Variants in DOK6 observed in about 807,000 individuals in gnomAD.
DOK6 encodes docking protein 6.
A neutral mutation model predicts 44.0 loss-of-function variants in DOK6; 22 were observed. The ratio of observed to expected loss-of-function variants is 0.50; its 90% CI spans 0.36 to 0.71. The LOEUF (loss-of-function observed/expected upper bound fraction) is 0.71. DOK6 is among the 30% of genes least tolerant of loss of function. The pLI, the probability that DOK6 is intolerant of heterozygous loss-of-function variation, is 0.00. For missense variants in DOK6, 340 were observed against 416.4 expected (o/e 0.82, Z 1.60); for synonymous variants, 166 against 145.5 (o/e 1.14, Z -1.01).
At chr18:69,825,935 A>C (rs1305041449) in intron 7 of DOK6, among the ~76,000 whole-genome samples, 1 of 151,748 alleles carries the variant, frequency 6.6e-6, no homozygotes, top group African/African-American at 2.4e-5. Context: ...TGCCTGTAAA[A>C]TATGCTTTTA....
intron 7 of DOK6, among the ~76,000 whole-genome samples, chr18:69,775,749 C>T (rs1164308991): frequency 1.3e-5 from 2 of 151,484 alleles, no homozygotes; most frequent in Non-Finnish European, 3.0e-5. Context: ...AGGAAGAAAA[C>T]CTTAGATTGA....
chr18:69,452,650 C>A, intron 1 of DOK6, among the ~76,000 whole-genome samples: 1 of 146,370 alleles, frequency 6.8e-6, no homozygotes, highest in East Asian at 2.0e-4. Context: ...AACATTGATG[C>A]AAAAATCCTC....
chr18:69,521,690 A>T (rs1270044138), intron 1 of DOK6, among the ~76,000 whole-genome samples: 1 of 151,994 alleles, frequency 6.6e-6, no homozygotes, highest in Non-Finnish European at 1.5e-5. Flanking sequence ...ATTTGCACAT[A>T]GAATCATTTC....
At chr18:69,711,689 T>G (rs1986760639) in intron 5 of DOK6, among the ~76,000 whole-genome samples, 1 of 152,232 alleles carries the variant, frequency 6.6e-6, no homozygotes, top group African/African-American at 2.4e-5. Flanking sequence ...TATTGCCTGA[T>G]GTGTTTCAAT....
chr18:69,643,295 TTGTG>T (rs1008002376), intron 3 of DOK6, among the ~76,000 whole-genome samples: 1 of 152,120 alleles, frequency 6.6e-6, no homozygotes, highest in African/African-American at 2.4e-5. Flanking sequence ...TTTTATTCAT[TTGTG>T]TGTGTGTATG....
At chr18:69,449,200 C>A (rs1376264329) in intron 1 of DOK6, among the ~76,000 whole-genome samples, 1 of 152,126 alleles carries the variant, frequency 6.6e-6, no homozygotes, top group East Asian at 1.9e-4. Context: ...AAGTTGGGTG[C>A]AAGATAAGTC....
At chr18:69,816,504 G>A (rs1981402774) in intron 7 of DOK6, among the ~76,000 whole-genome samples, 1 of 152,172 alleles carries the variant, frequency 6.6e-6, no homozygotes, top group Non-Finnish European at 1.5e-5. Flanking sequence ...TCAGACCAAA[G>A]TTTGGAGACT....
intron 5 of DOK6, among the ~76,000 whole-genome samples, chr18:69,720,693 T>C (rs1986986946): frequency 6.6e-6 from 1 of 152,180 alleles, no homozygotes; most frequent in Admixed American, 6.6e-5. Flanking sequence ...ATGCTTAGCA[T>C]AGTGATTGTA....
chr18:69,569,138 C>A (rs1335568261), intron 2 of DOK6, among the ~76,000 whole-genome samples: 1 of 151,968 alleles, frequency 6.6e-6, no homozygotes. Flanking sequence ...CTAAAACAAC[C>A]ACAGAAAGAT....
Position 69,796,869 on chromosome 18 carries a change from G to A in DOK6, c.856+38996G>A, listed in dbSNP as rs540317668. Among the ~76,000 whole-genome samples, 3 of 152,242 alleles carry A rather than the reference G, an allele frequency of 2.0e-5. No homozygotes were observed. The East Asian group carries it at 5.8e-4, about 29-fold the overall frequency. ...TTTGATGTTACATAACTCCTCCTAA[G>A]GCTGATGTCTTGAAAAGAGGGTAAA... On this transcript the variant is annotated intron_variant, in intron 7 of 7. Transcript: ENST00000382713.
At chr18:69,840,002 G>A (rs1339506426) in intron 7 of DOK6, among the ~76,000 whole-genome samples, 1 of 152,222 alleles carries the variant, frequency 6.6e-6, no homozygotes, top group African/African-American at 2.4e-5. Flanking sequence ...AAGTGGTTAA[G>A]TGGTTCCGTT....
chr18:69,495,300 C>T (rs1980851123), intron 1 of DOK6, among the ~76,000 whole-genome samples: 1 of 152,216 alleles, frequency 6.6e-6, no homozygotes, highest in Admixed American at 6.5e-5. Context: ...GAGCAAGGGG[C>T]ATGTTTCAGC....
At chr18:69,600,483 G>A (rs932134600) in intron 3 of DOK6, among the ~76,000 whole-genome samples, 19 of 151,820 alleles carry the variant, frequency 1.3e-4, no homozygotes, top group African/African-American at 4.4e-4. Context: ...ATTTAAAATC[G>A]ACATTTTGGA....
intron 7 of DOK6, among the ~76,000 whole-genome samples, chr18:69,808,854 A>C (rs979557300): frequency 3.3e-5 from 5 of 151,958 alleles, no homozygotes; most frequent in African/African-American, 9.6e-5. Context: ...AACTCAGCCA[A>C]ACATTTAAAA....
chr18:69,791,339 A>G (rs1980591053), intron 7 of DOK6, among the ~76,000 whole-genome samples: 1 of 152,178 alleles, frequency 6.6e-6, no homozygotes, highest in Admixed American at 6.5e-5. Flanking sequence ...ACTATTCCCC[A>G]TAGTGGTTAT....
intron 1 of DOK6, among the ~76,000 whole-genome samples, chr18:69,414,744 G>T (rs1306750673): frequency 6.6e-6 from 1 of 152,050 alleles, no homozygotes; most frequent in Non-Finnish European, 1.5e-5. Context: ...TGGATAAAGA[G>T]CATGCAGGGT....
chr18:69,580,446 A>ACT lies in DOK6; in HGVS notation c.174+15855_174+15856dup, dbSNP rs528334288. Among the ~76,000 whole-genome samples, 96 of 152,064 alleles carry ACT rather than the reference A, an allele frequency of 6.3e-4. 1 individual carries two copies. The South Asian group carries it at 0.012, about 19-fold the overall frequency. ...CCGTTTCAGTGACCAACTGGAGAAT[A>ACT]CTCTGCTTGCTTTTAGAAAGCTTCC... On this transcript the variant is annotated intron_variant, in intron 2 of 7. Transcript: ENST00000382713.
chr18:69,541,788 T>C (rs915648527), intron 1 of DOK6, among the ~76,000 whole-genome samples: 2 of 151,544 alleles, frequency 1.3e-5, no homozygotes, highest in Non-Finnish European at 3.0e-5. Context: ...CTGTAGGCAT[T>C]ACAATGAACA....
chr18:69,792,320 A>C (rs1411826787), intron 7 of DOK6, among the ~76,000 whole-genome samples: 1 of 152,104 alleles, frequency 6.6e-6, no homozygotes, highest in Non-Finnish European at 1.5e-5. Context: ...CACTGAATCT[A>C]TAGATTGCTA....
Sources: allele counts gnomAD v4.1 joint callset (sites outside exome capture counted in the v4.1 genomes callset), GRCh38; gene constraint gnomAD v4.1.1; transcripts MANE v1.5; gene names NCBI Gene and HGNC (gene_info 2026-07-23, HGNC 2026-07-21).